The following UPRT variants were observed in gnomAD, a reference collection of about 807,000 sequenced individuals.
The protein encoded by UPRT is uracil phosphoribosyltransferase homolog.
Under a neutral mutation model 22.6 loss-of-function variants are expected in UPRT, and 5 were observed. That is an observed-to-expected ratio of 0.22 (90% confidence interval 0.12 to 0.47). The LOEUF is 0.47. UPRT is among the 20% of genes least tolerant of loss of function. UPRT has a pLI of 0.99. For synonymous variants in UPRT, 77 were observed against 87.7 expected, an observed-to-expected ratio of 0.88 and a Z score of 0.68; for missense variants, 181 against 239.9, an observed-to-expected ratio of 0.75 and a Z score of 1.62.
At chrX:75,223,584 G>A (rs758316266) in intron 4 of UPRT, among the ~76,000 whole-genome samples, 2 of 111,679 alleles carry the variant, frequency 1.8e-5, no homozygotes, top group South Asian at 7.7e-4. Context: ...GTGGGCATCA[G>A]CTGAGTTCTG....
intron 4 of UPRT, among the ~76,000 whole-genome samples, chrX:75,261,310 C>A (rs1211452690): frequency 9.2e-6 from 1 of 108,744 alleles, no homozygotes; most frequent in African/African-American, 3.3e-5. Flanking sequence ...ATCAATGAAT[C>A]CACAATAAAA....
chrX:75,258,892 A>G (rs753382484), intron 4 of UPRT, among the ~76,000 whole-genome samples: 1 of 111,362 alleles, frequency 9.0e-6, no homozygotes, highest in Admixed American at 9.5e-5. Flanking sequence ...TCTGGCAGGC[A>G]CCCCTCTGGG....
At chrX:75,161,382 T>C (rs1488620117) in intron 2 of UPRT, among the ~76,000 whole-genome samples, 1 of 112,962 alleles carries the variant, frequency 8.9e-6, no homozygotes, top group African/African-American at 3.2e-5. Context: ...AATAGTTGTT[T>C]GTATAAAAAT....
rs1175663236 is a variant in UPRT, at chrX:75,304,557, A to T, written c.*1046A>T. On this transcript the variant is annotated 3_prime_UTR_variant, in exon 7 of 7. Transcript: ENST00000373383. ...TGGTGTTCTGAAATCTGCTTGTAAA[A>T]CTCTCATCTCATTTTACATTGATAT... The T allele has an allele frequency of 9.1e-6, 1 of 109,663 alleles. No individual in the cohort carries two copies. The highest frequency in any genetic ancestry group is 3.3e-5 in the African/African-American group (1 of 30,078). 9.0% of individuals were successfully genotyped at this position (109,663 alleles called of 1,213,427 possible).
intron 4 of UPRT, among the ~76,000 whole-genome samples, chrX:75,233,714 C>A (rs1261745548): frequency 9.0e-6 from 1 of 110,754 alleles, no homozygotes; most frequent in African/African-American, 3.3e-5. Context: ...GAAATAAAAT[C>A]CTTTACAGAC....
intron 4 of UPRT, among the ~76,000 whole-genome samples, chrX:75,251,246 C>T (rs1223470741): frequency 9.0e-6 from 1 of 111,353 alleles, no homozygotes; most frequent in Non-Finnish European, 1.9e-5. Flanking sequence ...AAAGGGTATT[C>T]AATTTGGAAA....
chrX:75,179,581 G>A (rs1023450727), intron 4 of UPRT, among the ~76,000 whole-genome samples: 13 of 113,127 alleles, frequency 1.1e-4, no homozygotes, highest in African/African-American at 2.9e-4. Flanking sequence ...GGTGCTCGTC[G>A]GGGAGGCTCG....
chrX:75,272,283 T>C (rs190645507), upstream of UPRT, among the ~76,000 whole-genome samples: 1,213 of 73,755 alleles, frequency 0.016, 11 homozygotes, highest in Admixed American at 0.033. Flanking sequence ...TATATATATA[T>C]ATACACATAT....
rs762726445 is a variant in UPRT, at chrX:75,254,255, A to G, written c.-446-36769A>G. Among the ~76,000 whole-genome samples the G allele has an allele frequency of 1.1e-4, 12 of 111,890 alleles. No homozygotes were observed. The South Asian group carries it at 4.5e-3, about 42-fold the overall frequency. Reference sequence around the variant, plus strand: ...CTAATCAGGAATGCACCAGAGAAAGATGAAGCTCATGGAAGGAAATTTAAA... The same window carrying G: ...CTAATCAGGAATGCACCAGAGAAAGGTGAAGCTCATGGAAGGAAATTTAAA... On this transcript the variant is annotated intron_variant, in intron 4 of 13. Transcript: ENST00000652605.
chrX:75,267,122 T>G (rs1229211894), intron 4 of UPRT, among the ~76,000 whole-genome samples: 1 of 111,891 alleles, frequency 8.9e-6, no homozygotes, highest in African/African-American at 3.2e-5. Flanking sequence ...CATGCTGCTA[T>G]AAAGACACAT....
At chrX:75,241,801 T>C (rs2082489507) in intron 4 of UPRT, among the ~76,000 whole-genome samples, 1 of 111,799 alleles carries the variant, frequency 8.9e-6, no homozygotes, top group Non-Finnish European at 1.9e-5. Context: ...ACCATTATTC[T>C]AAGTGAAGTA....
intron 4 of UPRT, among the ~76,000 whole-genome samples, chrX:75,250,897 C>T (rs1030916343): frequency 8.9e-6 from 1 of 111,970 alleles, no homozygotes; most frequent in Non-Finnish European, 1.9e-5. Context: ...GGATGCAAGA[C>T]TAGTTCAACA....
intron 4 of UPRT, among the ~76,000 whole-genome samples, chrX:75,235,372 G>A (rs958852077): frequency 9.0e-6 from 1 of 111,612 alleles, no homozygotes; most frequent in African/African-American, 3.3e-5. Context: ...GGAGGAACTG[G>A]TACCATTCCT....
chrX:75,186,285 T>C (rs1219404931), intron 4 of UPRT, among the ~76,000 whole-genome samples: 1 of 111,975 alleles, frequency 8.9e-6, no homozygotes, highest in African/African-American at 3.3e-5. Flanking sequence ...ATGTACCCAG[T>C]AGTCATTCAG....
At chrX:75,162,106 CTTTTTTT>C (rs5902736) in intron 2 of UPRT, among the ~76,000 whole-genome samples, 2 of 78,976 alleles carry the variant, frequency 2.5e-5, no homozygotes, top group African/African-American at 8.6e-5. Flanking sequence ...TCTTTCTTTT[CTTTTTTT>C]TTTTTTTTTG....
intron 1 of UPRT, among the ~76,000 whole-genome samples, chrX:75,276,044 G>C (rs2082629918): frequency 9.0e-6 from 1 of 111,625 alleles, no homozygotes; most frequent in African/African-American, 3.3e-5. Flanking sequence ...CTTCTTCATA[G>C]TTCCTAGGAA....
chrX:75,194,326 G>T (rs945384620), intron 4 of UPRT, among the ~76,000 whole-genome samples: 2 of 111,391 alleles, frequency 1.8e-5, no homozygotes, highest in African/African-American at 6.5e-5. Context: ...TTTGGAACCT[G>T]CTGCACTAGA....
chrX:75,302,230 G>A (rs746419364), intron 6 of UPRT, among the ~76,000 whole-genome samples: 1 of 110,678 alleles, frequency 9.0e-6, no homozygotes, highest in South Asian at 3.9e-4. Flanking sequence ...AAATGTTGGT[G>A]GTAACAAAAG....
chrX:75,206,944 G>A (rs1039628778), intron 4 of UPRT, among the ~76,000 whole-genome samples: 4 of 112,527 alleles, frequency 3.6e-5, no homozygotes, highest in Non-Finnish European at 5.6e-5. Context: ...GATTACAGGC[G>A]TGAGCCACCA....
Sources: gnomAD v4.1 joint callset for allele counts (sites outside exome capture counted in the v4.1 genomes callset) on GRCh38, gnomAD v4.1.1 for gene constraint, MANE v1.5 for transcripts, NCBI Gene and HGNC (gene_info 2026-07-23, HGNC 2026-07-21) for gene names.